Variants in GALNT2 observed in about 807,000 individuals in gnomAD.
GALNT2 encodes UDP-GalNAc:polypeptide N-acetylgalactosaminyltransferase 2.
In GALNT2, 31 loss-of-function variants were observed where a neutral mutation model predicts 81.4. The ratio of observed to expected loss-of-function variants is 0.38; its 90% CI spans 0.29 to 0.51. GALNT2 has a LOEUF of 0.51. GALNT2 is among the 20% of genes least tolerant of loss of function. The pLI, the probability that GALNT2 is intolerant of heterozygous loss-of-function variation, is 0.87. For synonymous variants in GALNT2, 303 were observed against 287.4 expected (o/e 1.05, Z -0.55); for missense variants, 629 against 765.7 (o/e 0.82, Z 2.11).
intron 3 of GALNT2, among the ~76,000 whole-genome samples, chr1:230,222,024 C>T (rs1229293213): frequency 5.0e-5 from 4 of 80,182 alleles, no homozygotes; most frequent in African/African-American, 2.5e-4. Context: ...CATTTCACTG[C>T]TTTTCTCTTT....
chr1:230,185,295 TGTGTGTGCGCGC>T (rs1558129428), intron 2 of GALNT2, among the ~76,000 whole-genome samples: 1 of 110,950 alleles, frequency 9.0e-6, no homozygotes, highest in Admixed American at 9.0e-5. Flanking sequence ...TGTGTGTGTG[TGTGTGTGCGCGC>T]GTGTGTGTGT....
chr1:230,263,427 C>G (rs137883606), intron 13 of GALNT2: 1 of 184,670 alleles, frequency 5.4e-6, no homozygotes, highest in African/African-American at 2.4e-5. Flanking sequence ...TGCCTCCGAT[C>G]TGCTGCGCTC....
At chr1:230,162,847 T>C (rs1190306494) in intron 1 of GALNT2, among the ~76,000 whole-genome samples, 1 of 152,210 alleles carries the variant, frequency 6.6e-6, no homozygotes, top group Admixed American at 6.5e-5. Context: ...TCTGTTGGCA[T>C]TGGAACCTAC....
chr1:230,224,333 T>A (rs576546617), intron 3 of GALNT2, among the ~76,000 whole-genome samples: 1 of 152,250 alleles, frequency 6.6e-6, no homozygotes, highest in South Asian at 2.1e-4. Context: ...TAAAGGACAA[T>A]AATAATTTAG....
At chr1:230,144,879 C>T (rs946129887) in intron 1 of GALNT2, among the ~76,000 whole-genome samples, 4 of 152,140 alleles carry the variant, frequency 2.6e-5, no homozygotes, top group African/African-American at 7.2e-5. Flanking sequence ...GTTGCTGATA[C>T]AGTGGCTTCT....
chr1:230,138,114 C>T (rs1213124954), intron 1 of GALNT2, among the ~76,000 whole-genome samples: 1 of 152,144 alleles, frequency 6.6e-6, no homozygotes, highest in Non-Finnish European at 1.5e-5. Flanking sequence ...CTGCCATTGC[C>T]CAAGTGTTAC....
At chr1:230,071,601 C>T (rs1357556795) in intron 1 of GALNT2, among the ~76,000 whole-genome samples, 2 of 152,070 alleles carry the variant, frequency 1.3e-5, no homozygotes, top group African/African-American at 2.4e-5. Context: ...GGGGCCCTCA[C>T]GTGGTTTAAT....
intron 1 of GALNT2, among the ~76,000 whole-genome samples, chr1:230,103,850 TC>T (rs1379646703): frequency 6.6e-6 from 1 of 152,190 alleles, no homozygotes; most frequent in Non-Finnish European, 1.5e-5. Context: ...GGATTGTTAT[TC>T]ATTCCTCCCC....
intron 1 of GALNT2, among the ~76,000 whole-genome samples, chr1:230,154,374 T>G (rs1346045983): frequency 1.3e-5 from 2 of 152,198 alleles, no homozygotes; most frequent in African/African-American, 4.8e-5. Context: ...CGTTGGTATT[T>G]TTAAGAAATA....
rs1441817635 is a variant in GALNT2, at chr1:230,265,261, T to C, written c.1334T>C (p.Ile445Thr). Residue 445 changes from isoleucine (I) to threonine (T), a missense_variant, in exon 14 of 16, where the codon ATA becomes ACA. This residue lies in a region of GALNT2 where 207 missense variants were observed against 225.5 expected (regional missense o/e 0.92). Coordinates refer to ENST00000366672, the MANE Select transcript of GALNT2 (RefSeq NM_004481.5). ...PELRVPDHQD[I>T]AFGALQQGTN... ...TTCAGGGTTCCAGACCATCAGGATATAGCTTTTGGGGCCTTGCAGCAGGGA... is the reference window on the plus strand; with the variant it reads ...TTCAGGGTTCCAGACCATCAGGATACAGCTTTTGGGGCCTTGCAGCAGGGA... 1 of 1,614,224 alleles carries C rather than the reference T, an allele frequency of 6.2e-7. No homozygotes were observed. Among genetic ancestry groups the C allele is most frequent in the Non-Finnish European group, 8.5e-7 (1 of 1,180,036 alleles).
At chr1:230,274,782 A>G (rs913936021) in intron 15 of GALNT2, among the ~76,000 whole-genome samples, 81 of 152,206 alleles carry the variant, frequency 5.3e-4, no homozygotes, top group African/African-American at 1.9e-3. Context: ...TCTCTTCCCT[A>G]TGCCGCTGAA....
rs1419791145 is a variant in GALNT2, at chr1:230,131,074, TAAAC to T, written c.127-47141_127-47138del. ...CTTGAGAAAGAAATCAACAACCTAA[TAAAC>T]AAGATAGCTTAAAACAGTATCTAAA... On this transcript the variant is annotated intron_variant, in intron 1 of 15. Coordinates refer to ENST00000366672, the MANE Select transcript of GALNT2 (RefSeq NM_004481.5). 7.2e-5 allele frequency among the ~76,000 whole-genome samples: 11 copies of T among 151,760 alleles called. No homozygotes were observed. The South Asian group carries it at 1.7e-3, about 23-fold the overall frequency.
At chr1:230,161,321 G>A (rs563043322) in intron 1 of GALNT2, among the ~76,000 whole-genome samples, 7 of 152,162 alleles carry the variant, frequency 4.6e-5, no homozygotes, top group African/African-American at 7.2e-5. Flanking sequence ...TTACACCATG[G>A]TGGTCTCAGG....
At chr1:230,229,548 T>TA (rs569321527) in intron 3 of GALNT2, among the ~76,000 whole-genome samples, 181 of 152,332 alleles carry the variant, frequency 1.2e-3, no homozygotes, top group African/African-American at 4.2e-3. Flanking sequence ...AAGAGGTTCA[T>TA]AATGTATGAC....
intron 1 of GALNT2, among the ~76,000 whole-genome samples, chr1:230,176,274 CA>C (rs1016837962): frequency 8.3e-4 from 125 of 150,256 alleles, no homozygotes; most frequent in Middle Eastern, 6.8e-3. Context: ...TTTGTGGGCA[CA>C]AAAAAAAAGT....
rs1272655629 is a variant in GALNT2, at chr1:230,262,508, G to A, written c.1137-65G>A. ...GCCTCAGTCACACGCCAGCAGACAG[G>A]TGCAAATGGAGTGATGCAGACAGAA... On this transcript the variant is annotated intron_variant, in intron 11 of 15. Transcript: ENST00000366672. The A allele has an allele frequency of 2.9e-6, 4 of 1,394,350 alleles. No homozygotes were observed. In the African/African-American group the frequency reaches 4.3e-5, roughly 15 times the overall value. 86.4% of individuals were successfully genotyped at this position (1,394,350 alleles called of 1,614,324 possible).
intron 2 of GALNT2, among the ~76,000 whole-genome samples, chr1:230,197,790 G>A (rs533747585): frequency 5.3e-5 from 8 of 152,214 alleles, no homozygotes; most frequent in African/African-American, 1.9e-4. Context: ...GCGTGCGTGT[G>A]TGTGTTCTGC....
At chr1:230,210,997 T>G (rs1468183780) in intron 3 of GALNT2, among the ~76,000 whole-genome samples, 1 of 152,198 alleles carries the variant, frequency 6.6e-6, no homozygotes, top group Admixed American at 6.5e-5. Flanking sequence ...CTAAGGCAAC[T>G]ATTAGGGGAC....
chr1:230,240,983 CTACTAAGACCAGTCAGT>C (rs1463931241), intron 6 of GALNT2, among the ~76,000 whole-genome samples: 1 of 152,192 alleles, frequency 6.6e-6, no homozygotes, highest in Non-Finnish European at 1.5e-5. Context: ...CTCCATTTTG[CTACTAAGACCAGTCAGT>C]GGATTTTTCA....
Sources: allele counts gnomAD v4.1 joint callset (sites outside exome capture counted in the v4.1 genomes callset), GRCh38; gene constraint gnomAD v4.1.1; regional missense constraint gnomAD v4.1.1; transcripts MANE v1.5; gene names NCBI Gene and HGNC (gene_info 2026-07-23, HGNC 2026-07-21).